The following RYR1 variants were observed in gnomAD, a reference collection of about 807,000 sequenced individuals.
RYR1 encodes ryanodine receptor 1.
RYR1 carries 342 observed loss-of-function variants against 583.5 expected under a neutral mutation model. The ratio of observed to expected loss-of-function variants is 0.59; its 90% CI spans 0.54 to 0.64. The LOEUF is 0.64. Among genes scored for constraint, RYR1 ranks in the 30% least tolerant of loss-of-function variants. The pLI, the probability that RYR1 is intolerant of heterozygous loss-of-function variation, is 0.00. For missense variants in RYR1, 6,032 were observed against 6,917.2 expected (o/e 0.87, Z 4.54); for synonymous variants, 2,791 against 2,822.5 (o/e 0.99, Z 0.35).
chr19:38,508,801 C>T (rs977519186), intron 58 of RYR1, among the ~76,000 whole-genome samples: 7 of 152,014 alleles, frequency 4.6e-5, no homozygotes, highest in African/African-American at 1.7e-4. Flanking sequence ...AGGACTTTGA[C>T]CTTACCTGGA....
chr19:38,555,016 T>G (rs990333173), intron 89 of RYR1, among the ~76,000 whole-genome samples: 3 of 152,192 alleles, frequency 2.0e-5, no homozygotes, highest in Non-Finnish European at 4.4e-5. Context: ...TAGAACATTT[T>G]AATCATCCTT....
At position 38,526,978 on chromosome 19, in the gene RYR1, GCT is replaced by G; in HGVS notation, c.10627-12_10627-11del. On this transcript the variant is annotated splice_polypyrimidine_tract_variant and intron_variant, in intron 71 of 105. Transcript: ENST00000359596. ...GGGACCTCCAGAGTGACCCAGCCTG[GCT>G]CTGTCTCCCCAGAAAGACACAGATG... 5.0e-6 allele frequency: 8 copies of G among 1,613,614 alleles called. No individual in the cohort carries two copies. Among genetic ancestry groups the G allele is most frequent in the Non-Finnish European group, 6.8e-6 (8 of 1,179,686 alleles).
chr19:38,578,430 C>T lies in RYR1; in HGVS notation c.14364+226C>T, dbSNP rs113334338. On this transcript the variant is annotated intron_variant, in intron 99 of 105. Transcript: ENST00000359596. ...AGCTGGGATTGGGTGTGGTGGCTCA[C>T]GCCTGTACTCCCAACACTTTGAGAA... Among the ~76,000 whole-genome samples, 2,773 of 152,248 alleles carry T rather than the reference C, an allele frequency of 0.018. 77 individuals carry two copies. The highest frequency in any genetic ancestry group is 0.062 in the African/African-American group (2,588 of 41,546).
Position 38,561,614 on chromosome 19 carries a change from C to T in RYR1, c.12624+160C>T, listed in dbSNP as rs1973147201. On this transcript the variant is annotated intron_variant, in intron 90 of 105. Coordinates refer to ENST00000359596, the MANE Select transcript of RYR1 (RefSeq NM_000540.3). This position sits in a 1 kb window ranked among gnomAD's most constrained non-coding sequence, Gnocchi z 4.8. ...ACCCTTTTGTACACATTTCGTCCAG[C>T]TGCGCCCTTGCACATCCCTGGCTCG... Among the ~76,000 whole-genome samples, 1 of 152,232 alleles carries T rather than the reference C, an allele frequency of 6.6e-6. No homozygotes were observed. Among genetic ancestry groups the T allele is most frequent in the South Asian group, 2.1e-4 (1 of 4,836 alleles).
At chr19:38,528,534 C>T in intron 74 of RYR1, 65 bp from the exon 75 acceptor site, 3 of 1,596,472 alleles carry the variant, frequency 1.9e-6, no homozygotes, top group Middle Eastern at 1.7e-4. Context: ...GGGCTGCAGG[C>T]GCATGGGAGG....
In RYR1 at chr19:38,517,495, G is replaced by T; in HGVS notation, c.9822G>T (p.Leu3274=). Residue 3274 remains leucine (L), a synonymous_variant, in exon 66 of 106, where the codon CTG becomes CTT. Transcript: ENST00000359596. ...TEMPHVIEIT[L]PMLCSYLPRW... is the part of the protein sequence containing the mutation. ...TGCCGCATGTCATCGAGATCACGCT[G>T]CCCATGCTATGCAGCTACCTGCCCC... The T allele has an allele frequency of 2.5e-6, 4 of 1,614,112 alleles. No homozygotes were observed. Among genetic ancestry groups the T allele is most frequent in the Non-Finnish European group, 3.4e-6 (4 of 1,180,008 alleles).
intron 73 of RYR1, 163 bp from the exon 74 acceptor site, chr19:38,528,143 C>T (rs1229663083): frequency 2.9e-6 from 2 of 696,440 alleles, no homozygotes; most frequent in Non-Finnish European, 5.1e-6. Context: ...GGTCTGGAGG[C>T]GGAGTCAGGA....
rs1412682047 is a variant in RYR1, at chr19:38,452,970, A to C, written c.1396A>C (p.Lys466Gln). 6.2e-7 allele frequency: 1 copy of C among 1,613,952 alleles called. No individual in the cohort carries two copies. Among genetic ancestry groups the C allele is most frequent in the Middle Eastern group, 1.6e-4 (1 of 6,062 alleles). ...CTTGCAGCACGAGGAGAAGCAGAGC[A>C]AGCTGCGAAGCCTGCGCAACCGCCA... Reference protein sequence around the residue: ...EDLQHEEKQSKLRSLRNRQSL... With the variant: ...EDLQHEEKQSQLRSLRNRQSL... Residue 466 changes from lysine to glutamine, a missense_variant, in exon 13 of 106, where the codon AAG becomes CAG. Physicochemically the swap from Lys to Gln is moderately conservative, Grantham distance 53 (BLOSUM62 1). This residue lies in a region of RYR1 where 2,627 missense variants were observed against 2,961.3 expected (regional missense o/e 0.89). Transcript: ENST00000359596.
chr19:38,460,015 C>T (rs1043517991), intron 19 of RYR1, among the ~76,000 whole-genome samples: 1 of 152,156 alleles, frequency 6.6e-6, no homozygotes, highest in Non-Finnish European at 1.5e-5. Flanking sequence ...TGCTCAGTGA[C>T]TTCTCAAATG....
intron 76 of RYR1, among the ~76,000 whole-genome samples, chr19:38,531,378 A>G (rs1971733713): frequency 6.6e-6 from 1 of 152,108 alleles, no homozygotes; most frequent in Non-Finnish European, 1.5e-5. Context: ...GGCTATTAAC[A>G]TACCCACCCA....
In RYR1 at chr19:38,485,615, G is replaced by C; in HGVS notation, c.4960G>C (p.Glu1654Gln). The change falls in exon 34 of 106, where the codon GAG (glutamate) becomes CAG (glutamine). Residue 1654 changes from glutamate (E) to glutamine (Q), a missense_variant. Physicochemically the swap from Glu to Gln is conservative, Grantham distance 29 (BLOSUM62 2). This residue lies in a region of RYR1 where 2,627 missense variants were observed against 2,961.3 expected (regional missense o/e 0.89). Transcript: ENST00000359596. ...NRCMDILELS[E>Q]RLDLQRFHSH... Reference sequence around the variant, plus strand: ...GTGCATGGACATCCTGGAGCTGTCGGAGCGCCTGGACCTGCAGCGCTTCCA... The same window carrying C: ...GTGCATGGACATCCTGGAGCTGTCGCAGCGCCTGGACCTGCAGCGCTTCCA... The C allele has an allele frequency of 6.2e-7, 1 of 1,609,744 alleles. No individual in the cohort carries two copies. The highest frequency in any genetic ancestry group is 8.5e-7 in the Non-Finnish European group (1 of 1,179,944).
At chr19:38,583,034 C>T (rs1046515974) in intron 101 of RYR1, among the ~76,000 whole-genome samples, 1 of 152,090 alleles carries the variant, frequency 6.6e-6, no homozygotes, top group Non-Finnish European at 1.5e-5. Flanking sequence ...CTGTGGCTCA[C>T]GCTTTTAATC....
chr19:38,512,452 C>G lies in RYR1; in HGVS notation c.9441C>G (p.Ile3147Met). The part of the protein sequence containing the change: ...LPVLTTLFQH[I>M]AQHQFGDDVI... ...TCCTCACCACCCTCTTCCAGCACAT[C>G]GCCCAGCACCAGTTCGGAGATGACG... The change falls in exon 63 of 106, where the codon ATC becomes ATG. Residue 3147 changes from isoleucine to methionine, a missense_variant. By Grantham distance (10) the Ile-to-Met change is conservative. Around this residue, in one of 11 missense-constraint regions of RYR1, gnomAD observed 1,493 missense variants for 1,715.5 expected, o/e 0.87. Coordinates refer to ENST00000359596, the MANE Select transcript of RYR1 (RefSeq NM_000540.3). This position sits in a 1 kb window ranked among gnomAD's most constrained non-coding sequence, Gnocchi z 5.1. 1 of 1,613,226 alleles carries G rather than the reference C, an allele frequency of 6.2e-7. No homozygotes were observed. The highest frequency in any genetic ancestry group is 8.5e-7 in the Non-Finnish European group (1 of 1,180,034).
chr19:38,509,941 G>A (rs1268685796), intron 58 of RYR1, among the ~76,000 whole-genome samples: 1 of 151,856 alleles, frequency 6.6e-6, no homozygotes, highest in Non-Finnish European at 1.5e-5. Flanking sequence ...AAGCACTTAT[G>A]GTGGGTGAGG....
Position 38,583,491 on chromosome 19 carries a change from AAC to A in RYR1, c.14647-1450_14647-1449del, listed in dbSNP as rs1383477464. Among the ~76,000 whole-genome samples, 6 of 148,708 alleles carry A rather than the reference AAC, an allele frequency of 4.0e-5. No individual in the cohort carries two copies. Among genetic ancestry groups the A allele is most frequent in the African/African-American group, 7.8e-5 (3 of 38,656 alleles). On this transcript the variant is annotated intron_variant, in intron 101 of 105. Transcript: ENST00000359596. ...AGACTCTGTCTCAAAAAAAAAAAAA[AAC>A]ATATGTAAAGTTGTTCCCAAATGCC... is the stretch of plus-strand genomic sequence containing the variant.
At chr19:38,553,404 G>A (rs1164368924) in intron 89 of RYR1, among the ~76,000 whole-genome samples, 1 of 151,568 alleles carries the variant, frequency 6.6e-6, no homozygotes, top group African/African-American at 2.4e-5. Context: ...CAGCACTTTA[G>A]GAGGCCAAGG....
Position 38,496,359 on chromosome 19 carries a change from C to T in RYR1, c.6663+30C>T. 4 of 1,613,722 alleles carry T rather than the reference C, an allele frequency of 2.5e-6. No individual in the cohort carries two copies. Among genetic ancestry groups the T allele is most frequent in the Non-Finnish European group, 1.7e-6 (2 of 1,180,012 alleles). ...GGGCCCAGGCAGGTGCTGGGGAGCT[C>T]AGGGGAGGCAGCCACAGAGGGCAGG... On this transcript the variant is annotated intron_variant, in intron 40 of 105. Transcript: ENST00000359596. This position sits in a 1 kb window ranked among gnomAD's most constrained non-coding sequence, Gnocchi z 4.8.
At chr19:38,567,040 G>A in intron 92 of RYR1, 53 bp downstream of exon 92, 1 of 1,550,304 alleles carries the variant, frequency 6.5e-7, no homozygotes, top group Admixed American at 2.0e-5. Context: ...CTCCCTCCTA[G>A]AGTAGGAGCC....
In RYR1 at chr19:38,483,429, C is replaced by G; in HGVS notation, c.4847C>G (p.Thr1616Arg). The G allele has an allele frequency of 6.3e-7, 1 of 1,576,668 alleles. No homozygotes were observed. Among genetic ancestry groups the G allele is most frequent in the Non-Finnish European group, 8.6e-7 (1 of 1,163,302 alleles). The change falls in exon 33 of 106, where the codon ACG (threonine) becomes AGG (arginine). Residue 1616 changes from threonine to arginine, a missense_variant. Coordinates refer to ENST00000359596, the MANE Select transcript of RYR1 (RefSeq NM_000540.3). The surrounding 1 kb of genome is among the most constrained non-coding windows in gnomAD (Gnocchi z 6.3). ...CCCAACCACTTCCTGCAGGTGGAGA[C>G]GAGGCGTGCCGGCGAGCGGCTGGGC... ...RMPNHFLQVETRRAGERLGWA... is the reference protein window; with the variant it reads ...RMPNHFLQVERRRAGERLGWA...
Sources: allele counts gnomAD v4.1 joint callset (sites outside exome capture counted in the v4.1 genomes callset), GRCh38; gene constraint gnomAD v4.1.1; regional missense constraint gnomAD v4.1.1; non-coding constraint Gnocchi (gnomAD v3.1); transcripts MANE v1.5; gene names NCBI Gene and HGNC (gene_info 2026-07-23, HGNC 2026-07-21).